The following SPIDR variants were observed in gnomAD, a reference collection of about 807,000 sequenced individuals.
SPIDR encodes the protein scaffold protein involved in DNA repair, also known as DNA repair-scaffolding protein.
A neutral mutation model predicts 104.6 loss-of-function variants in SPIDR; 93 were observed. The observed-to-expected ratio is 0.89, with a 90% confidence interval of 0.75 to 1.06. SPIDR has a LOEUF of 1.06. Among genes scored for constraint, SPIDR ranks in the 50% least tolerant of loss-of-function variants. SPIDR has a pLI of 0.00. For missense variants in SPIDR, 1,154 were observed against 1,111.2 expected, an observed-to-expected ratio of 1.04 and a Z score of -0.55; for synonymous variants, 431 against 416.9, an observed-to-expected ratio of 1.03 and a Z score of -0.41.
intron 8 of SPIDR, among the ~76,000 whole-genome samples, chr8:47,471,537 T>C (rs1554721045): frequency 2.0e-5 from 3 of 151,912 alleles, no homozygotes; most frequent in African/African-American, 4.8e-5. Flanking sequence ...TGCAAAGAAA[T>C]TGGAATGCTT....
intron 8 of SPIDR, among the ~76,000 whole-genome samples, chr8:47,452,586 A>G (rs2072026586): frequency 6.6e-6 from 1 of 152,236 alleles, no homozygotes; most frequent in South Asian, 2.1e-4. Context: ...GTAATCCAGC[A>G]TATAAACAGA....
chr8:47,400,368 G>C (rs782428419), intron 6 of SPIDR, among the ~76,000 whole-genome samples: 1 of 152,194 alleles, frequency 6.6e-6, no homozygotes, highest in Admixed American at 6.5e-5. Context: ...TGTCTGTTTT[G>C]AAGTTACTAT....
chr8:47,673,331 CT>C, intron 10 of SPIDR: 1 of 447,756 alleles, frequency 2.2e-6, no homozygotes, highest in East Asian at 7.0e-5. Flanking sequence ...CAGAGAATGC[CT>C]CTTATTGTTG....
chr8:47,432,764 G>C (rs2067584323), intron 7 of SPIDR, among the ~76,000 whole-genome samples: 1 of 152,152 alleles, frequency 6.6e-6, no homozygotes, highest in Non-Finnish European at 1.5e-5. Flanking sequence ...CGGGATTTGA[G>C]GCTAGAGCAG....
chr8:47,336,966 T>C (rs782815054), intron 5 of SPIDR, among the ~76,000 whole-genome samples: 2 of 152,220 alleles, frequency 1.3e-5, no homozygotes, highest in Non-Finnish European at 2.9e-5. Flanking sequence ...TATAGCATTC[T>C]AAGTGGGTGT....
At chr8:47,448,749 G>A (rs782397205) in intron 8 of SPIDR, among the ~76,000 whole-genome samples, 1 of 151,990 alleles carries the variant, frequency 6.6e-6, no homozygotes, top group African/African-American at 2.4e-5. Context: ...AGTTGGTGAT[G>A]CCCTATCTGA....
At chr8:47,531,385 T>C (rs1156726855) in intron 8 of SPIDR, among the ~76,000 whole-genome samples, 2 of 152,176 alleles carry the variant, frequency 1.3e-5, no homozygotes, top group African/African-American at 4.8e-5. Context: ...CTGGAAAATA[T>C]CCTGAAGGAC....
intron 16 of SPIDR, among the ~76,000 whole-genome samples, chr8:47,714,751 T>C (rs887931911): frequency 6.6e-6 from 1 of 152,136 alleles, no homozygotes; most frequent in Non-Finnish European, 1.5e-5. Flanking sequence ...GAGGTCAAAC[T>C]CAAGAGTTTA....
At chr8:47,527,086 T>G (rs1251039965) in intron 8 of SPIDR, among the ~76,000 whole-genome samples, 1 of 152,194 alleles carries the variant, frequency 6.6e-6, no homozygotes, top group Admixed American at 6.5e-5. Flanking sequence ...TTATGTTTTA[T>G]GTTCTATGTC....
intron 5 of SPIDR, among the ~76,000 whole-genome samples, chr8:47,343,304 T>C (rs1276499639): frequency 2.6e-5 from 4 of 152,148 alleles, no homozygotes; most frequent in Admixed American, 2.6e-4. Flanking sequence ...GGGGAGAGAC[T>C]CGAGTCTCTT....
intron 7 of SPIDR, among the ~76,000 whole-genome samples, chr8:47,413,645 A>G (rs940123005): frequency 5.9e-5 from 9 of 152,228 alleles, no homozygotes; most frequent in African/African-American, 2.2e-4. Context: ...ATTGGATCAT[A>G]AATTCTTAAA....
chr8:47,517,501 A>T (rs1231625660), intron 8 of SPIDR, among the ~76,000 whole-genome samples: 1 of 152,192 alleles, frequency 6.6e-6, no homozygotes, highest in Non-Finnish European at 1.5e-5. Context: ...CTGAGGGCTC[A>T]GAAAAGAGTG....
intron 10 of SPIDR, among the ~76,000 whole-genome samples, chr8:47,668,778 A>G (rs762871688): frequency 1.3e-5 from 2 of 152,234 alleles, no homozygotes; most frequent in Non-Finnish European, 2.9e-5. Flanking sequence ...CAAAAGTTCA[A>G]TATACAAGGC....
intron 11 of SPIDR, among the ~76,000 whole-genome samples, chr8:47,679,449 C>T (rs1159293394): frequency 6.8e-6 from 1 of 146,838 alleles, no homozygotes. Flanking sequence ...GTGCCAGGTG[C>T]CCACCTGCCC....
chr8:47,515,793 C>T (rs1313324303), intron 8 of SPIDR, among the ~76,000 whole-genome samples: 1 of 152,226 alleles, frequency 6.6e-6, no homozygotes, highest in African/African-American at 2.4e-5. Context: ...TGTGTGTATA[C>T]ACATACAGTC....
intron 5 of SPIDR, among the ~76,000 whole-genome samples, chr8:47,314,944 A>G (rs1458369471): frequency 3.3e-5 from 5 of 152,214 alleles, no homozygotes; most frequent in Admixed American, 6.5e-5. Context: ...TAAATGTATG[A>G]GGAAAGGTGT....
chr8:47,327,536 GACTACAGGCACGC>G (rs1554601165), intron 5 of SPIDR, among the ~76,000 whole-genome samples: 1 of 151,952 alleles, frequency 6.6e-6, no homozygotes, highest in Non-Finnish European at 1.5e-5. Flanking sequence ...GAGTAGCTGG[GACTACAGGCACGC>G]ACCAGCACAC....
chr8:47,400,137 A>T (rs1190952703), intron 6 of SPIDR, among the ~76,000 whole-genome samples: 1 of 152,194 alleles, frequency 6.6e-6, no homozygotes, highest in Non-Finnish European at 1.5e-5. Flanking sequence ...AGGCTACCAG[A>T]TGGTCTTGAA....
At chr8:47,684,131 A>AC (rs2077447570) in intron 11 of SPIDR, among the ~76,000 whole-genome samples, 1 of 149,672 alleles carries the variant, frequency 6.7e-6, no homozygotes, top group African/African-American at 2.5e-5. Context: ...TGTCTCAAAA[A>AC]AAAAAAAAAA....
Sources: allele counts gnomAD v4.1 joint callset (sites outside exome capture counted in the v4.1 genomes callset), GRCh38; gene constraint gnomAD v4.1.1; transcripts MANE v1.5; gene names NCBI Gene and HGNC (gene_info 2026-07-23, HGNC 2026-07-21).